CNTNAP5: variants seen among roughly 807,000 people sequenced by gnomAD.
The protein encoded by CNTNAP5 is contactin associated protein family member 5, also known as contactin-associated protein-like 5.
Under a neutral mutation model 150.2 loss-of-function variants are expected in CNTNAP5, and 72 were observed. The ratio of observed to expected loss-of-function variants is 0.48; its 90% CI spans 0.40 to 0.58. The LOEUF is 0.58. CNTNAP5 is among the 20% of genes least tolerant of loss of function. The pLI is 0.00. For missense variants in CNTNAP5, 1,636 were observed against 1,626.2 expected, an observed-to-expected ratio of 1.01 and a Z score of -0.10; for synonymous variants, 672 against 619.8, an observed-to-expected ratio of 1.08 and a Z score of -1.25.
intron 7 of CNTNAP5, among the ~76,000 whole-genome samples, chr2:124,495,657 T>C (rs1340068741): frequency 6.6e-6 from 1 of 152,234 alleles, no homozygotes; most frequent in Non-Finnish European, 1.5e-5. Context: ...TGCACGATCT[T>C]TATCCTTGAA....
chr2:124,362,200 C>G (rs1394483687), intron 3 of CNTNAP5, among the ~76,000 whole-genome samples: 1 of 152,240 alleles, frequency 6.6e-6, no homozygotes, highest in Non-Finnish European at 1.5e-5. Flanking sequence ...CTGACCTGCG[C>G]CCACTGTCTG....
chr2:124,052,127 A>G (rs915572918), intron 1 of CNTNAP5, among the ~76,000 whole-genome samples: 3 of 152,196 alleles, frequency 2.0e-5, no homozygotes, highest in African/African-American at 7.2e-5. Context: ...TACCTATTTT[A>G]TCCTGGAGTG....
chr2:124,531,418 G>A (rs1012274774), intron 10 of CNTNAP5, among the ~76,000 whole-genome samples: 1 of 152,068 alleles, frequency 6.6e-6, no homozygotes, highest in African/African-American at 2.4e-5. Flanking sequence ...GAGGACCCCT[G>A]GTCTAAGCTA....
At chr2:124,626,726 A>C (rs1050122256) in intron 12 of CNTNAP5, among the ~76,000 whole-genome samples, 1 of 152,112 alleles carries the variant, frequency 6.6e-6, no homozygotes, top group Non-Finnish European at 1.5e-5. Context: ...ACTCCCCTGG[A>C]AAGGGGGCTG....
At chr2:124,614,079 T>A (rs1429691637) in intron 12 of CNTNAP5, among the ~76,000 whole-genome samples, 1 of 152,188 alleles carries the variant, frequency 6.6e-6, no homozygotes, top group East Asian at 1.9e-4. Context: ...TTAAGTGATT[T>A]ACAATAAGGT....
chr2:124,756,116 G>A (rs17393557), intron 14 of CNTNAP5, among the ~76,000 whole-genome samples: 12,614 of 152,058 alleles, frequency 0.083, 670 homozygotes, highest in Middle Eastern at 0.2. Flanking sequence ...ATTTTCAGCC[G>A]ATCTTAAATA....
chr2:124,207,257 C>T (rs1471877736), intron 1 of CNTNAP5, among the ~76,000 whole-genome samples: 3 of 152,176 alleles, frequency 2.0e-5, no homozygotes, highest in Admixed American at 1.3e-4. Flanking sequence ...GGCTTGACTC[C>T]TAACCACTTG....
At position 124,915,297 on chromosome 2, in the gene CNTNAP5, G is replaced by A. The variant is rs899554559; in HGVS notation, c.*1009G>A. On this transcript the variant is annotated 3_prime_UTR_variant, in exon 24 of 24. Transcript: ENST00000682447. ...GAAATAAAAGTTTAAAATAGTACCC[G>A]GTTCAATGAAAGAGCCTAAACCATC... The A allele has an allele frequency of 6.0e-5, 10 of 165,792 alleles. No individual in the cohort carries two copies. The highest frequency in any genetic ancestry group is 2.1e-4 in the South Asian group (1 of 4,786). 10.3% of individuals were successfully genotyped at this position (165,792 alleles called of 1,614,324 possible). A position where few individuals can be genotyped will look rare whatever the true frequency, so the allele number is the denominator to read the frequency against.
At chr2:124,890,912 T>C (rs1678180446) in intron 21 of CNTNAP5, among the ~76,000 whole-genome samples, 1 of 152,046 alleles carries the variant, frequency 6.6e-6, no homozygotes, top group Non-Finnish European at 1.5e-5. Context: ...TAGAATATAG[T>C]GTATAAACAA....
chr2:124,577,889 G>A (rs186450011), intron 11 of CNTNAP5, among the ~76,000 whole-genome samples: 152 of 152,130 alleles, frequency 1.0e-3, no homozygotes, highest in Non-Finnish European at 1.8e-3. Flanking sequence ...TGAATAGTTC[G>A]GGGATTCTTA....
intron 7 of CNTNAP5, among the ~76,000 whole-genome samples, chr2:124,475,894 A>G (rs1473770776): frequency 6.6e-6 from 1 of 152,072 alleles, no homozygotes; most frequent in Non-Finnish European, 1.5e-5. Flanking sequence ...TAATGTAATG[A>G]ATGTTCTGGG....
At chr2:124,395,782 C>T (rs542682426) in intron 3 of CNTNAP5, among the ~76,000 whole-genome samples, 116 of 152,242 alleles carry the variant, frequency 7.6e-4, no homozygotes, top group African/African-American at 2.6e-3. Context: ...TATGTCTACA[C>T]ACACACGTGC....
At chr2:124,288,077 C>A (rs1185016919) in intron 3 of CNTNAP5, among the ~76,000 whole-genome samples, 1 of 152,100 alleles carries the variant, frequency 6.6e-6, no homozygotes, top group African/African-American at 2.4e-5. Context: ...CTACAGGCTT[C>A]TGTCACCATG....
At chr2:124,083,046 T>C (rs1414351538) in intron 1 of CNTNAP5, among the ~76,000 whole-genome samples, 6 of 152,192 alleles carry the variant, frequency 3.9e-5, no homozygotes, top group African/African-American at 1.4e-4. Context: ...TGGTTAGATA[T>C]GTGGCTTGAA....
At chr2:124,338,281 T>C (rs749299291) in intron 3 of CNTNAP5, among the ~76,000 whole-genome samples, 8 of 152,200 alleles carry the variant, frequency 5.3e-5, no homozygotes, top group Middle Eastern at 3.2e-3. Context: ...GACGATGGCA[T>C]TTTCTAGATA....
chr2:124,839,588 T>C (rs973264279), intron 19 of CNTNAP5, among the ~76,000 whole-genome samples: 2 of 152,070 alleles, frequency 1.3e-5, no homozygotes, highest in African/African-American at 4.8e-5. Context: ...CCCTGGGGCA[T>C]CCCTTCATTG....
intron 3 of CNTNAP5, among the ~76,000 whole-genome samples, chr2:124,250,741 C>G (rs1391895499): frequency 6.6e-6 from 1 of 151,228 alleles, no homozygotes; most frequent in African/African-American, 2.4e-5. Flanking sequence ...CTGGCTCTAG[C>G]CAAATGGAAA....
At chr2:124,600,976 T>C (rs1473473134) in intron 11 of CNTNAP5, among the ~76,000 whole-genome samples, 2 of 152,290 alleles carry the variant, frequency 1.3e-5, no homozygotes, top group East Asian at 3.9e-4. Flanking sequence ...ATCAGTCACC[T>C]TTGCAAGTGA....
intron 11 of CNTNAP5, among the ~76,000 whole-genome samples, chr2:124,608,870 G>A (rs758592893): frequency 5.3e-5 from 8 of 151,720 alleles, no homozygotes; most frequent in African/African-American, 1.9e-4. Flanking sequence ...TCTTGAACCC[G>A]GGAGGCGAGT....
Sources: gnomAD v4.1 joint callset for allele counts (sites outside exome capture counted in the v4.1 genomes callset) on GRCh38, gnomAD v4.1.1 for gene constraint, MANE v1.5 for transcripts, NCBI Gene and HGNC (gene_info 2026-07-23, HGNC 2026-07-21) for gene names.